TBC1D5: variants seen among roughly 807,000 people sequenced by gnomAD.
The protein encoded by TBC1D5 is TBC1 domain family member 5, also known as TBC1 domain family, member 5.
A neutral mutation model predicts 100.3 loss-of-function variants in TBC1D5; 75 were observed. The observed-to-expected ratio is 0.75, with a 90% CI of 0.62 to 0.91. TBC1D5 has a LOEUF of 0.91. Among genes scored for constraint, TBC1D5 ranks in the 40% least tolerant of loss-of-function variants. The pLI is 0.00. For missense variants in TBC1D5, 910 were observed against 942.4 expected, an observed-to-expected ratio of 0.97 and a Z score of 0.45; for synonymous variants, 323 against 325.6, an observed-to-expected ratio of 0.99 and a Z score of 0.09.
At chr3:17,587,698 TAACA>T (rs1333583843) in intron 2 of TBC1D5, among the ~76,000 whole-genome samples, 1 of 152,148 alleles carries the variant, frequency 6.6e-6, no homozygotes, top group Non-Finnish European at 1.5e-5. Context: ...ATTTGAAAAG[TAACA>T]AACAATACTT....
intron 16 of TBC1D5, among the ~76,000 whole-genome samples, chr3:17,241,158 G>C (rs2076277438): frequency 6.6e-6 from 1 of 152,044 alleles, no homozygotes; most frequent in African/African-American, 2.4e-5. Context: ...AATCTGTCCA[G>C]AGCTTGTCTG....
At chr3:17,517,740 C>G (rs2096009402) in intron 2 of TBC1D5, among the ~76,000 whole-genome samples, 1 of 152,090 alleles carries the variant, frequency 6.6e-6, no homozygotes, top group Non-Finnish European at 1.5e-5. Context: ...AAAATACATA[C>G]ATACAAATAC....
chr3:17,613,641 A>G (rs369680932), intron 2 of TBC1D5, among the ~76,000 whole-genome samples: 2 of 152,144 alleles, frequency 1.3e-5, no homozygotes, highest in African/African-American at 4.8e-5. Context: ...GACCAGTGAT[A>G]GTGAGTATTT....
At chr3:17,602,717 C>T (rs1338313619) in intron 2 of TBC1D5, among the ~76,000 whole-genome samples, 5 of 151,552 alleles carry the variant, frequency 3.3e-5, no homozygotes, top group Non-Finnish European at 2.9e-5. Context: ...AGACTACAGG[C>T]GCCCGCCACC....
At chr3:17,261,484 TG>T (rs537766391) in intron 15 of TBC1D5, among the ~76,000 whole-genome samples, 16 of 6,990 alleles carry the variant, frequency 2.3e-3, no homozygotes, top group Non-Finnish European at 3.5e-3. Context: ...TGGGGTGGGG[TG>T]GGGGGGGAGA....
chr3:17,527,336 C>T (rs955140642), intron 2 of TBC1D5, among the ~76,000 whole-genome samples: 1 of 152,034 alleles, frequency 6.6e-6, no homozygotes, highest in African/African-American at 2.4e-5. Context: ...ACAGCAAATG[C>T]AGAAGACCAT....
rs114745273 is a variant in TBC1D5 at position 17,304,376 on chromosome 3, T to C, written c.1138+3616A>G. Among the ~76,000 whole-genome samples the C allele has an allele frequency of 2.9e-3, 447 of 152,236 alleles. 2 individuals carry two copies. The highest frequency in any genetic ancestry group is 0.01 in the African/African-American group (426 of 41,532). Reference sequence around the variant, plus strand: ...GAACAGACAATAAACAAGTGAAAGCTTCAAAACAAAGAAGATATTTTCTCT... The same window carrying C: ...GAACAGACAATAAACAAGTGAAAGCCTCAAAACAAAGAAGATATTTTCTCT... On this transcript the variant is annotated intron_variant, in intron 14 of 21. Transcript: ENST00000253692.
chr3:17,570,622 T>A (rs1043421612), intron 2 of TBC1D5, among the ~76,000 whole-genome samples: 6 of 152,068 alleles, frequency 3.9e-5, no homozygotes, highest in Admixed American at 2.0e-4. Flanking sequence ...ATCCTATTTT[T>A]AATGCATTTC....
rs550642351 is a variant in TBC1D5 at position 17,250,462 on chromosome 3, C to T, written c.1331+8044G>A. On this transcript the variant is annotated intron_variant, in intron 16 of 21. Coordinates refer to ENST00000253692, the Ensembl canonical transcript of TBC1D5. ...TCAATGGCCTGTAAGGCAAGCCCTA[C>T]ATGATCTAGCCTCCTACTATCTCTC... 4.5e-4 allele frequency among the ~76,000 whole-genome samples: 69 copies of T among 152,352 alleles called. 2 individuals carry two copies. The South Asian group carries it at 0.011, about 24-fold the overall frequency.
At chr3:17,287,068 G>A (rs923915902) in intron 15 of TBC1D5, among the ~76,000 whole-genome samples, 1 of 152,198 alleles carries the variant, frequency 6.6e-6, no homozygotes, top group South Asian at 2.1e-4. Context: ...TAAGGAACTA[G>A]ATGCTCTTTA....
chr3:17,267,623 T>G (rs2149595546), intron 15 of TBC1D5, among the ~76,000 whole-genome samples: 1 of 152,266 alleles, frequency 6.6e-6, no homozygotes, highest in East Asian at 1.9e-4. Context: ...ACCATCGAAA[T>G]AGAGGCAATT....
At chr3:17,493,722 C>T (rs1267543185) in intron 3 of TBC1D5, among the ~76,000 whole-genome samples, 1 of 152,184 alleles carries the variant, frequency 6.6e-6, no homozygotes, top group South Asian at 2.1e-4. Flanking sequence ...GATATGGCTA[C>T]TGATATTTGT....
chr3:17,316,956 C>A (rs1216344932), intron 13 of TBC1D5, among the ~76,000 whole-genome samples: 1 of 152,174 alleles, frequency 6.6e-6, no homozygotes, highest in Non-Finnish European at 1.5e-5. Flanking sequence ...AGGCCATAGA[C>A]TGAATGCCAT....
At chr3:17,675,355 T>C (rs1451088390) in intron 1 of TBC1D5, among the ~76,000 whole-genome samples, 2 of 152,132 alleles carry the variant, frequency 1.3e-5, no homozygotes, top group Non-Finnish European at 2.9e-5. Flanking sequence ...ATAGCTGAAC[T>C]AGTAGAAACT....
rs561231426 is a variant in TBC1D5 at position 17,625,200 on chromosome 3, T to C, written c.-100-1287A>G. Among the ~76,000 whole-genome samples, 3 of 152,102 alleles carry C rather than the reference T, an allele frequency of 2.0e-5. No homozygotes were observed. In the South Asian group the frequency reaches 6.2e-4, roughly 32 times the overall value. ...TCAAAATCACAGTCCAGCAGAAGTG[T>C]CTTATTGTTTTTTTAATATGTATGC... On this transcript the variant is annotated intron_variant, in intron 1 of 21. Coordinates refer to ENST00000253692, the Ensembl canonical transcript of TBC1D5.
chr3:17,296,493 C>G (rs970622533), intron 14 of TBC1D5, among the ~76,000 whole-genome samples: 1 of 152,178 alleles, frequency 6.6e-6, no homozygotes, highest in African/African-American at 2.4e-5. Flanking sequence ...TGGCAAGAAA[C>G]AAAATGTGAT....
intron 13 of TBC1D5, among the ~76,000 whole-genome samples, chr3:17,335,825 T>C (rs2087671271): frequency 6.6e-6 from 1 of 152,150 alleles, no homozygotes. Context: ...AGACAAAGTA[T>C]ATATTCATAA....
Position 17,669,032 on chromosome 3 carries a change from T to C in TBC1D5, c.-100-45119A>G, listed in dbSNP as rs183445648. 9.3e-4 allele frequency among the ~76,000 whole-genome samples: 141 copies of C among 152,272 alleles called. 1 individual carries two copies. Among genetic ancestry groups the C allele is most frequent in the African/African-American group, 3.2e-3 (134 of 41,546 alleles). ...GTCCCCACCCAAATCTCACCTTGAA[T>C]TGTAGTTCCCATAATCCCCATGTGT... is the stretch of plus-strand genomic sequence containing the variant. On this transcript the variant is annotated intron_variant, in intron 1 of 21. Transcript: ENST00000253692.
chr3:17,428,105 A>AC (rs2094375561), intron 4 of TBC1D5, among the ~76,000 whole-genome samples: 1 of 151,846 alleles, frequency 6.6e-6, no homozygotes, highest in Non-Finnish European at 1.5e-5. Flanking sequence ...AAGCTTTAGT[A>AC]CCGTAACAGA....
Sources: allele counts gnomAD v4.1 joint callset (sites outside exome capture counted in the v4.1 genomes callset), GRCh38; gene constraint gnomAD v4.1.1; transcripts MANE v1.5; gene names NCBI Gene and HGNC (gene_info 2026-07-23, HGNC 2026-07-21).